FER: variants seen among roughly 807,000 people sequenced by gnomAD.
The protein encoded by FER is FER tyrosine kinase.
Under a neutral mutation model 111.0 loss-of-function variants are expected in FER, and 63 were observed. The observed-to-expected ratio is 0.57, with a 90% CI of 0.46 to 0.70. The LOEUF (loss-of-function observed/expected upper bound fraction) is 0.70. Ranked by LOEUF, FER falls within the 30% of genes least tolerant of loss-of-function variation. The pLI is 0.00. For missense variants in FER, 914 were observed against 954.0 expected (o/e 0.96, Z 0.55); for synonymous variants, 327 against 313.9 (o/e 1.04, Z -0.44).
At chr5:108,934,810 C>A (rs528914237) in intron 10 of FER, among the ~76,000 whole-genome samples, 1 of 152,056 alleles carries the variant, frequency 6.6e-6, no homozygotes, top group African/African-American at 2.4e-5. Flanking sequence ...ATCTTTGGGA[C>A]TACAGCTATA....
At chr5:108,894,211 C>T (rs763513148) in intron 9 of FER, 9 of 242,378 alleles carry the variant, frequency 3.7e-5, no homozygotes, top group Non-Finnish European at 6.4e-5. Context: ...ATCCACTCAT[C>T]CCTTAAAAAA....
intron 13 of FER, among the ~76,000 whole-genome samples, chr5:109,026,373 T>G (rs11949648): frequency 0.12 from 17,810 of 152,190 alleles, 1,106 homozygotes; most frequent in Non-Finnish European, 0.14. Flanking sequence ...ACTCGGTTAC[T>G]AAAAGCTTCT....
At chr5:109,040,854 T>C (rs1453337856) in intron 14 of FER, among the ~76,000 whole-genome samples, 1 of 152,092 alleles carries the variant, frequency 6.6e-6, no homozygotes, top group Non-Finnish European at 1.5e-5. Flanking sequence ...GGGGATGCAA[T>C]TTAGTTCACA....
intron 17 of FER, 121 bp from the exon 18 acceptor site, chr5:109,180,626 C>T: frequency 9.2e-7 from 1 of 1,087,296 alleles, no homozygotes; most frequent in East Asian, 2.6e-5. Context: ...AAATCACAAG[C>T]ATTCTTAACC....
intron 11 of FER, 125 bp downstream of exon 11, chr5:108,946,347 C>T (rs1756985955): frequency 7.0e-6 from 4 of 574,336 alleles, no homozygotes; most frequent in Non-Finnish European, 5.7e-6. Context: ...TATAAATTTG[C>T]ACTTACAAAT....
chr5:108,831,710 A>C (rs1236294483), intron 3 of FER, among the ~76,000 whole-genome samples: 4 of 152,172 alleles, frequency 2.6e-5, no homozygotes, highest in Admixed American at 2.6e-4. Context: ...ATGACTAAGA[A>C]TTTGCTTTCT....
rs551454820 is a variant in FER at position 109,187,673 on chromosome 5, G to A, written c.*98G>A. ...AATGAATTTATACCACATTACCTTCGACAGTCTTCTACCATTATTTTTTAT... is the reference window on the plus strand; with the variant it reads ...AATGAATTTATACCACATTACCTTCAACAGTCTTCTACCATTATTTTTTAT... On this transcript the variant is annotated 3_prime_UTR_variant, in exon 20 of 20. Coordinates refer to ENST00000281092, the MANE Select transcript of FER (RefSeq NM_005246.4). The A allele has an allele frequency of 8.0e-6, 11 of 1,373,090 alleles. No individual in the cohort carries two copies. Among genetic ancestry groups the A allele is most frequent in the Admixed American group, 4.5e-5 (2 of 44,770 alleles). The allele number at this position is 1,373,090 out of a possible 1,614,324, so 85.1% of individuals were successfully genotyped here.
chr5:108,873,165 G>A (rs1415273144), intron 8 of FER, among the ~76,000 whole-genome samples: 1 of 151,932 alleles, frequency 6.6e-6, no homozygotes, highest in Non-Finnish European at 1.5e-5. Context: ...TTAATTTTGA[G>A]ATGAGGTCTC....
chr5:109,091,653 G>T (rs10040665), intron 16 of FER, among the ~76,000 whole-genome samples: 48,934 of 151,976 alleles, frequency 0.32, 8,168 homozygotes, highest in Non-Finnish European at 0.37. Context: ...CCTTGAGAGC[G>T]GCAATGTACA....
At chr5:109,092,649 A>T (rs1273881915) in intron 16 of FER, among the ~76,000 whole-genome samples, 1 of 152,188 alleles carries the variant, frequency 6.6e-6, no homozygotes, top group East Asian at 1.9e-4. Context: ...AATCCTGTGC[A>T]TTGCCGTTAT....
At position 109,170,197 on chromosome 5, in the gene FER, T is replaced by C. The variant is rs890214886; in HGVS notation, c.2049-10550T>C. Reference sequence around the variant, plus strand: ...ATGGAGGAATTGTTATATGCCCTTATAGAAAATAGAATAGAAAAAAATGCA... The same window carrying C: ...ATGGAGGAATTGTTATATGCCCTTACAGAAAATAGAATAGAAAAAAATGCA... On this transcript the variant is annotated intron_variant, in intron 17 of 19. Coordinates refer to ENST00000281092, the MANE Select transcript of FER (RefSeq NM_005246.4). Among the ~76,000 whole-genome samples, 19 of 151,746 alleles carry C rather than the reference T, an allele frequency of 1.3e-4. No homozygotes were observed. The South Asian group carries it at 2.3e-3, about 18-fold the overall frequency.
intron 10 of FER, among the ~76,000 whole-genome samples, chr5:108,943,615 T>A (rs1330601349): frequency 6.6e-6 from 1 of 152,168 alleles, no homozygotes; most frequent in Non-Finnish European, 1.5e-5. Flanking sequence ...AATATTGCAG[T>A]GAAAGAGCCT....
chr5:108,926,832 T>G (rs554917737), intron 10 of FER, among the ~76,000 whole-genome samples: 28 of 152,304 alleles, frequency 1.8e-4, no homozygotes, highest in African/African-American at 6.5e-4. Flanking sequence ...TGACATCTTT[T>G]GTTTTTATAT....
At chr5:109,079,290 A>G (rs1010413946) in intron 16 of FER, among the ~76,000 whole-genome samples, 1 of 152,104 alleles carries the variant, frequency 6.6e-6, no homozygotes, top group South Asian at 2.1e-4. Flanking sequence ...GAAACTGTCC[A>G]TGAAGGTGGA....
rs987355774 is a variant in FER, at chr5:108,963,072, T to A, written c.1656+3725T>A. 2.6e-5 allele frequency among the ~76,000 whole-genome samples: 4 copies of A among 152,230 alleles called. No homozygotes were observed. In the South Asian group the frequency reaches 6.2e-4, roughly 24 times the overall value. ...AAAGAAAAATTACTGAACAGCAATA[T>A]TGGGTAGGGAAAGCTAGGATTTGAG... On this transcript the variant is annotated intron_variant, in intron 13 of 19. Coordinates refer to ENST00000281092, the MANE Select transcript of FER (RefSeq NM_005246.4).
intron 11 of FER, among the ~76,000 whole-genome samples, chr5:108,953,993 A>G (rs1758102653): frequency 6.6e-6 from 1 of 152,138 alleles, no homozygotes; most frequent in Non-Finnish European, 1.5e-5. Flanking sequence ...CTCTTAAATT[A>G]TCTCTGACTT....
chr5:108,954,969 G>A (rs1401024318), intron 12 of FER, 37 bp downstream of exon 12: 3 of 1,528,616 alleles, frequency 2.0e-6, no homozygotes, highest in East Asian at 4.6e-5. Context: ...ATATTTTGAT[G>A]TAGTTCATTG....
chr5:109,126,356 G>C (rs1026492705), intron 17 of FER, among the ~76,000 whole-genome samples: 2 of 152,114 alleles, frequency 1.3e-5, no homozygotes, highest in African/African-American at 4.8e-5. Flanking sequence ...AGCAACAGGA[G>C]CAATACTCTT....
intron 17 of FER, among the ~76,000 whole-genome samples, chr5:109,141,173 T>C (rs144390828): frequency 6.6e-6 from 1 of 152,294 alleles, no homozygotes; most frequent in Non-Finnish European, 1.5e-5. Context: ...GGGAGGGCCT[T>C]TTTCAGGAGA....
Sources: gnomAD v4.1 joint callset for allele counts (sites outside exome capture counted in the v4.1 genomes callset) on GRCh38, gnomAD v4.1.1 for gene constraint, MANE v1.5 for transcripts, NCBI Gene and HGNC (gene_info 2026-07-23, HGNC 2026-07-21) for gene names.